CREBBP: variants seen among roughly 807,000 people sequenced by gnomAD.
CREBBP encodes CREB-binding protein.
A neutral mutation model predicts 265.0 loss-of-function variants in CREBBP; 19 were observed. The observed-to-expected ratio is 0.07, with a 90% CI of 0.05 to 0.11. The LOEUF (loss-of-function observed/expected upper bound fraction) is 0.11. Ranked by LOEUF, CREBBP falls within the 10% of genes least tolerant of loss-of-function variation. CREBBP has a pLI of 1.00. For synonymous variants in CREBBP, 1,457 were observed against 1,223.7 expected (o/e 1.19, Z -3.98); for missense variants, 2,525 against 3,219.0 (o/e 0.78, Z 5.22).
At chr16:3,779,052 A>G (rs888320456) in intron 8 of CREBBP, among the ~76,000 whole-genome samples, 2 of 151,986 alleles carry the variant, frequency 1.3e-5, no homozygotes, top group Non-Finnish European at 2.9e-5. Flanking sequence ...CTGTAATCCC[A>G]GCTACTCGGG....
In CREBBP at chr16:3,736,382, G is replaced by T. The variant is rs139369782; in HGVS notation, c.4561-179C>A. ...CATGTGCACCCCCCACCACAGTGCT[G>T]GAGCCCCTATGTGTGCAACAGTGAT... On this transcript the variant is annotated intron_variant, in intron 27 of 30. Coordinates refer to ENST00000262367, the MANE Select transcript of CREBBP (RefSeq NM_004380.3). 2,741 of 767,456 alleles carry T rather than the reference G, an allele frequency of 3.6e-3. 10 individuals are homozygous for T. The highest frequency in any genetic ancestry group is 0.01 in the Middle Eastern group (28 of 2,724). 47.5% of individuals were successfully genotyped at this position (767,456 alleles called of 1,614,324 possible). A position where few individuals can be genotyped will look rare whatever the true frequency, so the allele number is the denominator to read the frequency against.
intron 23 of CREBBP, among the ~76,000 whole-genome samples, chr16:3,743,894 T>C (rs1169581642): frequency 2.0e-5 from 3 of 151,966 alleles, no homozygotes; most frequent in Non-Finnish European, 2.9e-5. Flanking sequence ...CTGGCCAACA[T>C]GGTGAAACCC....
rs867728951 is a variant in CREBBP, at chr16:3,749,051, G to A, written c.3836+576C>T. Among the ~76,000 whole-genome samples the A allele has an allele frequency of 2.0e-5, 3 of 152,176 alleles. No homozygotes were observed. In the South Asian group the frequency reaches 6.2e-4, roughly 31 times the overall value. ...AGTCCCAGCTACTCGGGAGGCTGAG[G>A]CAGGAGAATGGCGTGAACCCGGGAG... On this transcript the variant is annotated intron_variant, in intron 21 of 30. Transcript: ENST00000262367.
At chr16:3,814,016 G>T (rs929310188) in intron 2 of CREBBP, among the ~76,000 whole-genome samples, 1 of 152,204 alleles carries the variant, frequency 6.6e-6, no homozygotes, top group Non-Finnish European at 1.5e-5. Flanking sequence ...AAGTTCACCT[G>T]ACTTGCTTCA....
chr16:3,770,640 G>A lies in CREBBP; in HGVS notation c.2810C>T (p.Pro937Leu), dbSNP rs766849648. 84 of 1,613,806 alleles carry A rather than the reference G, an allele frequency of 5.2e-5. No homozygotes were observed. Among genetic ancestry groups the A allele is most frequent in the Non-Finnish European group, 6.7e-5 (79 of 1,180,018 alleles). Reference sequence around the variant, plus strand: ...CGATGACTGAGGGGTAGCCACAGACGGGGGCTGAACTGGGGTTTGAGGCTG... The same window carrying A: ...CGATGACTGAGGGGTAGCCACAGACAGGGGCTGAACTGGGGTTTGAGGCTG... ...TPQPQTPVQP[P>L]SVATPQSSQQ... The change falls in exon 14 of 31, where the codon CCG becomes CTG. Residue 937 changes from proline to leucine, a missense_variant. Pro to Leu is a moderately conservative substitution (Grantham distance 98). This residue lies in a region of CREBBP where 548 missense variants were observed against 533.0 expected (regional missense o/e 1.03). Transcript: ENST00000262367.
chr16:3,728,975 C>A lies in CREBBP; in HGVS notation c.6072G>T (p.Ala2024=), dbSNP rs201934909. ...PSMPPGQWQQ[A]PLPQQQPMPG... Reference sequence around the variant, plus strand: ...GCATGGGCTGCTGCTGGGGAAGGGGCGCCTGCTGCCACTGCCCGGGAGGCA... The same window carrying A: ...GCATGGGCTGCTGCTGGGGAAGGGGAGCCTGCTGCCACTGCCCGGGAGGCA... Residue 2024 remains alanine (A), a synonymous_variant, in exon 31 of 31, where the codon GCG becomes GCT. Coordinates refer to ENST00000262367, the MANE Select transcript of CREBBP (RefSeq NM_004380.3). This position sits in a 1 kb window ranked among gnomAD's most constrained non-coding sequence, Gnocchi z 8.7. 4 of 1,595,480 alleles carry A rather than the reference C, an allele frequency of 2.5e-6. No homozygotes were observed. Among genetic ancestry groups the A allele is most frequent in the East Asian group, 2.2e-5 (1 of 44,508 alleles).
intron 28 of CREBBP, among the ~76,000 whole-genome samples, chr16:3,735,062 CCAT>C (rs2052017693): frequency 6.6e-6 from 1 of 152,244 alleles, no homozygotes; most frequent in Non-Finnish European, 1.5e-5. Context: ...ACCCACGCCA[CCAT>C]CATCTCTTCC....
At chr16:3,868,921 T>C (rs973983333) in intron 1 of CREBBP, among the ~76,000 whole-genome samples, 1 of 152,216 alleles carries the variant, frequency 6.6e-6, no homozygotes, top group African/African-American at 2.4e-5. Context: ...GAGTCAAGAC[T>C]GGATCCCGGG....
intron 13 of CREBBP, 162 bp downstream of exon 13, chr16:3,773,589 C>T: frequency 1.3e-6 from 1 of 740,928 alleles, no homozygotes; most frequent in African/African-American, 1.8e-5. Flanking sequence ...GAGTTAAGGA[C>T]TACAGGACAA....
At chr16:3,851,157 G>T (rs1045191944) in intron 1 of CREBBP, 148 bp from the exon 2 acceptor site, 1 of 723,090 alleles carries the variant, frequency 1.4e-6, no homozygotes, top group Non-Finnish European at 2.4e-6. Flanking sequence ...GTGTGGTAGC[G>T]CATGCCTGTA....
chr16:3,797,615 C>G (rs916763078), intron 3 of CREBBP, among the ~76,000 whole-genome samples: 2 of 152,074 alleles, frequency 1.3e-5, no homozygotes, highest in African/African-American at 4.8e-5. Flanking sequence ...CTCTCTCTCT[C>G]TAAACACCTT....
chr16:3,781,940 C>G (rs367917592), intron 6 of CREBBP, among the ~76,000 whole-genome samples: 2 of 152,170 alleles, frequency 1.3e-5, no homozygotes, highest in African/African-American at 4.8e-5. Flanking sequence ...AGTAAGATGA[C>G]TTTAGCTGGG....
chr16:3,787,029 C>T (rs1006656278), intron 5 of CREBBP, among the ~76,000 whole-genome samples: 2 of 150,914 alleles, frequency 1.3e-5, no homozygotes, highest in African/African-American at 4.9e-5. Flanking sequence ...TAAGATCGCG[C>T]CACTGCACTC....
At chr16:3,832,632 G>T (rs994163352) in intron 2 of CREBBP, among the ~76,000 whole-genome samples, 1 of 152,156 alleles carries the variant, frequency 6.6e-6, no homozygotes, top group Non-Finnish European at 1.5e-5. Flanking sequence ...TAACAAAATT[G>T]TAAGTATTTG....
chr16:3,872,282 T>C lies in CREBBP; in HGVS notation c.85+7550A>G, dbSNP rs193138892. On this transcript the variant is annotated intron_variant, in intron 1 of 30. Coordinates refer to ENST00000262367, the MANE Select transcript of CREBBP (RefSeq NM_004380.3). The stretch of plus-strand genomic sequence containing the variant: ...GCCACTTTTGTTTACTTCCATGCCT[T>C]TCACACAGCCTTGCCCAATTTGATT... Among the ~76,000 whole-genome samples, 163 of 152,280 alleles carry C rather than the reference T, an allele frequency of 1.1e-3. 1 individual carries two copies. The highest frequency in any genetic ancestry group is 6.8e-3 in the Middle Eastern group (2 of 294).
chr16:3,842,235 T>C (rs1474163551), intron 2 of CREBBP, among the ~76,000 whole-genome samples: 2 of 152,184 alleles, frequency 1.3e-5, no homozygotes, highest in Non-Finnish European at 2.9e-5. Context: ...AACAAATTCT[T>C]ATCAACCTTA....
Position 3,731,151 on chromosome 16 carries a change from C to T in CREBBP, c.5172+41G>A, listed in dbSNP as rs2151315530. ...AAAGGGACAGGATGCTTCGTCAGAC[C>T]CCAGGCCGGCTGTGGGGGTGGGGGT... is the stretch of plus-strand genomic sequence containing the variant. On this transcript the variant is annotated intron_variant, in intron 30 of 30. Coordinates refer to ENST00000262367, the MANE Select transcript of CREBBP (RefSeq NM_004380.3). The surrounding 1 kb of genome is among the most constrained non-coding windows in gnomAD (Gnocchi z 7.7). The T allele has an allele frequency of 3.1e-6, 5 of 1,597,980 alleles. No individual in the cohort carries two copies. The highest frequency in any genetic ancestry group is 3.4e-6 in the Non-Finnish European group (4 of 1,171,682).
intron 16 of CREBBP, among the ~76,000 whole-genome samples, chr16:3,764,341 A>G (rs2052795513): frequency 6.6e-6 from 1 of 152,020 alleles, no homozygotes; most frequent in African/African-American, 2.4e-5. Flanking sequence ...CACTGGCACA[A>G]TCATGGTTCA....
At chr16:3,737,826 G>A (rs937077845) in intron 26 of CREBBP, among the ~76,000 whole-genome samples, 3 of 149,864 alleles carry the variant, frequency 2.0e-5, no homozygotes, top group South Asian at 2.1e-4. Context: ...TTGCTCTGTC[G>A]CCCAGGCTGG....
Sources: allele counts gnomAD v4.1 joint callset (sites outside exome capture counted in the v4.1 genomes callset), GRCh38; gene constraint gnomAD v4.1.1; regional missense constraint gnomAD v4.1.1; non-coding constraint Gnocchi (gnomAD v3.1); transcripts MANE v1.5; gene names NCBI Gene and HGNC (gene_info 2026-07-23, HGNC 2026-07-21).